Variants in SLC25A21 observed in about 807,000 individuals in gnomAD.
The protein encoded by SLC25A21 is mitochondrial 2-oxodicarboxylate carrier.
SLC25A21 carries 47 observed loss-of-function variants against 43.8 expected under a neutral mutation model. The ratio of observed to expected loss-of-function variants is 1.07; its 90% CI spans 0.85 to 1.37. The LOEUF (loss-of-function observed/expected upper bound fraction) is 1.37. Ranked by LOEUF, SLC25A21 falls within the 40% of genes most tolerant of loss-of-function variation. The pLI is 0.00. For synonymous variants in SLC25A21, 131 were observed against 121.3 expected, an observed-to-expected ratio of 1.08 and a Z score of -0.52; for missense variants, 352 against 350.2, an observed-to-expected ratio of 1.00 and a Z score of -0.04.
intron 1 of SLC25A21, among the ~76,000 whole-genome samples, chr14:37,171,117 A>G (rs1382646784): frequency 0.029 from 30 of 1,038 alleles, no homozygotes; most frequent in Non-Finnish European, 0.042. Flanking sequence ...AAAAGGGGGG[A>G]GGGGAGGGGA....
chr14:36,733,984 A>G (rs1884932648), intron 4 of SLC25A21, among the ~76,000 whole-genome samples: 1 of 152,214 alleles, frequency 6.6e-6, no homozygotes, highest in Non-Finnish European at 1.5e-5. Flanking sequence ...AAGAACCAGA[A>G]TAGAGAATTT....
rs139039319 is a variant in SLC25A21, at chr14:36,730,865, G to A, written c.271-1299C>T. On this transcript the variant is annotated intron_variant, in intron 4 of 9. Coordinates refer to ENST00000331299, the MANE Select transcript of SLC25A21 (RefSeq NM_030631.4). The stretch of plus-strand genomic sequence containing the variant: ...TAGTGAAAGCCCTGAAACTACCCTG[G>A]TGTTAAAATAGTACTCAACGGCAAA... Among the ~76,000 whole-genome samples the A allele has an allele frequency of 4.0e-4, 61 of 152,206 alleles. No homozygotes were observed. The East Asian group carries it at 0.011, about 28-fold the overall frequency.
intron 1 of SLC25A21, among the ~76,000 whole-genome samples, chr14:36,875,652 T>A (rs913960422): frequency 2.6e-5 from 4 of 152,142 alleles, no homozygotes. Flanking sequence ...ATTGTACAAA[T>A]GAGAAAATTG....
chr14:36,716,581 T>A (rs1288249144), intron 6 of SLC25A21, among the ~76,000 whole-genome samples: 1 of 152,060 alleles, frequency 6.6e-6, no homozygotes, highest in African/African-American at 2.4e-5. Context: ...AGAGAGAAGA[T>A]CCTTGGTGTA....
chr14:37,024,207 C>A (rs1961045355), intron 1 of SLC25A21, among the ~76,000 whole-genome samples: 1 of 152,092 alleles, frequency 6.6e-6, no homozygotes, highest in African/African-American at 2.4e-5. Context: ...CTCTCTGGGG[C>A]AGTCCTTTTC....
chr14:37,144,099 T>C (rs572289537), intron 1 of SLC25A21, among the ~76,000 whole-genome samples: 4 of 152,094 alleles, frequency 2.6e-5, no homozygotes, highest in African/African-American at 4.8e-5. Context: ...CAGAAACTAA[T>C]GAGAAAAAGA....
intron 2 of SLC25A21, among the ~76,000 whole-genome samples, chr14:36,844,093 G>A (rs1225529679): frequency 6.6e-6 from 1 of 152,202 alleles, no homozygotes; most frequent in African/African-American, 2.4e-5. Flanking sequence ...GAGGCACGAA[G>A]CCAGCCTGTC....
At chr14:36,946,393 GTAAT>G (rs574412710) in intron 1 of SLC25A21, among the ~76,000 whole-genome samples, 40 of 152,060 alleles carry the variant, frequency 2.6e-4, no homozygotes, top group Non-Finnish European at 4.7e-4. Flanking sequence ...TAGTTTAAAT[GTAAT>G]TAATTAAGTT....
intron 1 of SLC25A21, among the ~76,000 whole-genome samples, chr14:36,997,545 T>C (rs573629004): frequency 6.6e-6 from 1 of 152,310 alleles, no homozygotes; most frequent in East Asian, 1.9e-4. Context: ...GTATATTATT[T>C]AGGTTGGGCA....
At chr14:37,011,594 T>C (rs1326319307) in intron 1 of SLC25A21, among the ~76,000 whole-genome samples, 1 of 152,182 alleles carries the variant, frequency 6.6e-6, no homozygotes, top group East Asian at 1.9e-4. Context: ...CATGGTGTTC[T>C]CTCAAATAAA....
chr14:37,071,912 T>G (rs1962181019), intron 1 of SLC25A21, among the ~76,000 whole-genome samples: 1 of 152,174 alleles, frequency 6.6e-6, no homozygotes, highest in Admixed American at 6.5e-5. Flanking sequence ...CTGGGCACAG[T>G]GGCTCACGTC....
chr14:37,101,158 C>T (rs1212852361), intron 1 of SLC25A21, among the ~76,000 whole-genome samples: 1 of 152,150 alleles, frequency 6.6e-6, no homozygotes, highest in Non-Finnish European at 1.5e-5. Context: ...AATTTTTATA[C>T]AAAACACAAT....
chr14:36,938,814 T>C (rs1892488102), intron 1 of SLC25A21, among the ~76,000 whole-genome samples: 1 of 152,040 alleles, frequency 6.6e-6, no homozygotes, highest in Admixed American at 6.6e-5. Context: ...GCATATGTAA[T>C]GAGTAAAACA....
chr14:36,892,840 T>C lies in SLC25A21; in HGVS notation c.71-17836A>G, dbSNP rs534162961. Among the ~76,000 whole-genome samples, 6 of 152,210 alleles carry C rather than the reference T, an allele frequency of 3.9e-5. No homozygotes were observed. The South Asian group carries it at 1.2e-3, about 32-fold the overall frequency. ...TGCGATAGTTTGCTGAGAATGATGG[T>C]CTCTAGCTTCATCCATGTCCCTACA... On this transcript the variant is annotated intron_variant, in intron 1 of 9. Coordinates refer to ENST00000331299, the MANE Select transcript of SLC25A21 (RefSeq NM_030631.4).
At chr14:37,075,321 T>C (rs1395734829) in intron 1 of SLC25A21, among the ~76,000 whole-genome samples, 1 of 152,202 alleles carries the variant, frequency 6.6e-6, no homozygotes, top group Non-Finnish European at 1.5e-5. Flanking sequence ...TGAAAGAAGC[T>C]GAAGCATAAA....
At chr14:36,718,821 CT>C (rs1410409803) in intron 6 of SLC25A21, among the ~76,000 whole-genome samples, 4 of 152,124 alleles carry the variant, frequency 2.6e-5, no homozygotes, top group African/African-American at 9.7e-5. Flanking sequence ...TTTGTTGATC[CT>C]TAAAATTATA....
intron 7 of SLC25A21, among the ~76,000 whole-genome samples, chr14:36,699,582 G>T (rs186566728): frequency 6.6e-6 from 1 of 152,186 alleles, no homozygotes; most frequent in South Asian, 2.1e-4. Flanking sequence ...AGGAGGCCTC[G>T]TTGAGCTGTG....
At chr14:37,163,826 G>GT (rs1484756289) in intron 1 of SLC25A21, among the ~76,000 whole-genome samples, 1 of 152,282 alleles carries the variant, frequency 6.6e-6, no homozygotes, top group East Asian at 1.9e-4. Flanking sequence ...CAGTATTGTT[G>GT]TAAGTATTAT....
intron 1 of SLC25A21, among the ~76,000 whole-genome samples, chr14:37,147,339 T>C (rs1342052653): frequency 6.6e-6 from 1 of 152,152 alleles, no homozygotes; most frequent in Non-Finnish European, 1.5e-5. Context: ...ATGTCAAAAA[T>C]TCAAATTTAT....
Sources: gnomAD v4.1 joint callset for allele counts (sites outside exome capture counted in the v4.1 genomes callset) on GRCh38, gnomAD v4.1.1 for gene constraint, MANE v1.5 for transcripts, NCBI Gene and HGNC (gene_info 2026-07-23, HGNC 2026-07-21) for gene names.